Variants in FBXO3 observed in about 807,000 individuals in gnomAD.
The protein encoded by FBXO3 is F-box only protein 3.
A neutral mutation model predicts 64.8 loss-of-function variants in FBXO3; 17 were observed. The ratio of observed to expected loss-of-function variants is 0.26; its 90% confidence interval spans 0.18 to 0.39. FBXO3 has a LOEUF of 0.39. Among genes scored for constraint, FBXO3 ranks in the 10% least tolerant of loss-of-function variants. The pLI, the probability that FBXO3 is intolerant of heterozygous loss-of-function variation, is 1.00. For missense variants in FBXO3, 420 were observed against 589.9 expected, an observed-to-expected ratio of 0.71 and a Z score of 2.98; for synonymous variants, 182 against 201.6, an observed-to-expected ratio of 0.90 and a Z score of 0.82.
At chr11:33,749,552 C>G (rs1368904670) in intron 8 of FBXO3, among the ~76,000 whole-genome samples, 1 of 152,010 alleles carries the variant, frequency 6.6e-6, no homozygotes, top group African/African-American at 2.4e-5. Context: ...TTTTGTAGGA[C>G]AAGGTCTCAC....
At chr11:33,756,706 A>G (rs1281062228) in intron 4 of FBXO3, among the ~76,000 whole-genome samples, 3 of 152,156 alleles carry the variant, frequency 2.0e-5, no homozygotes, top group Non-Finnish European at 4.4e-5. Context: ...ATCTAGTCCT[A>G]ACTGACTTCT....
rs1380087782 is a variant in FBXO3 at position 33,743,549 on chromosome 11, A to T, written c.1240-1465T>A. Reference sequence around the variant, plus strand: ...CCAGAGTCCTTCCACCAAGGCTTTTATGGTGTTACGTGATCCACCACCCCA... The same window carrying T: ...CCAGAGTCCTTCCACCAAGGCTTTTTTGGTGTTACGTGATCCACCACCCCA... On this transcript the variant is annotated intron_variant, in intron 10 of 10. Coordinates refer to ENST00000265651, the MANE Select transcript of FBXO3 (RefSeq NM_012175.4). This position sits in a 1 kb window ranked among gnomAD's most constrained non-coding sequence, Gnocchi z 4.6. The T allele has an allele frequency of 6.6e-6, 1 of 152,286 alleles. No homozygotes were observed. The highest frequency in any genetic ancestry group is 1.5e-5 in the Non-Finnish European group (1 of 68,104). 9.4% of individuals were successfully genotyped at this position (152,286 alleles called of 1,614,324 possible).
At chr11:33,745,199 A>C (rs1289751644) in intron 10 of FBXO3, 1 of 152,134 alleles carries the variant, frequency 6.6e-6, no homozygotes, top group Non-Finnish European at 1.5e-5. Flanking sequence ...TTCAAAATAC[A>C]TGAAGCAAAC....
chr11:33,761,452 T>G (rs1312517416), intron 3 of FBXO3, among the ~76,000 whole-genome samples: 1 of 152,162 alleles, frequency 6.6e-6, no homozygotes, highest in East Asian at 1.9e-4. Flanking sequence ...ATGGAGGACT[T>G]TTCGTAATAA....
At chr11:33,772,993 A>G (rs1322164948) in intron 1 of FBXO3, 1 of 109,450 alleles carries the variant, frequency 9.1e-6, no homozygotes, top group African/African-American at 4.9e-5. Context: ...GAGCCACAGG[A>G]AAAAAAAAAA....
intron 1 of FBXO3, chr11:33,774,042 C>T (rs1855576648): frequency 1.1e-5 from 3 of 285,452 alleles, no homozygotes; most frequent in Non-Finnish European, 1.4e-5. Flanking sequence ...CAGGGACTGA[C>T]CCCAACCGGG....
intron 8 of FBXO3, among the ~76,000 whole-genome samples, chr11:33,750,179 T>C (rs1164166307): frequency 3.9e-5 from 6 of 152,138 alleles, no homozygotes; most frequent in African/African-American, 1.4e-4. Flanking sequence ...TTTAATTGAA[T>C]ATAAATAGGC....
chr11:33,764,022 A>G (rs540671664), intron 3 of FBXO3, among the ~76,000 whole-genome samples: 104 of 152,358 alleles, frequency 6.8e-4, no homozygotes, highest in Non-Finnish European at 1.2e-3. Context: ...AGCAAACTCA[A>G]TGCCAGATAT....
At chr11:33,757,680 A>AAAAAAAAAAAAAAAT (rs1855140901) in intron 4 of FBXO3, among the ~76,000 whole-genome samples, 1 of 143,030 alleles carries the variant, frequency 7.0e-6, no homozygotes, top group Non-Finnish European at 1.5e-5. Flanking sequence ...AAAAAAAAAA[A>AAAAAAAAAAAAAAAT]AGTCTGGGTG....
intron 8 of FBXO3, 64 bp downstream of exon 8, chr11:33,750,475 A>G (rs1278708418): frequency 6.4e-7 from 1 of 1,561,348 alleles, no homozygotes; most frequent in Non-Finnish European, 8.8e-7. Flanking sequence ...ATGGGACAAT[A>G]GCAACATGTC....
intron 1 of FBXO3, chr11:33,773,632 A>T (rs935348158): frequency 2.0e-5 from 3 of 152,138 alleles, no homozygotes; most frequent in African/African-American, 7.2e-5. Context: ...TTCTTCCACC[A>T]CCCCAGACAG....
intron 1 of FBXO3, chr11:33,772,519 G>A (rs1855534256): frequency 6.6e-6 from 1 of 152,216 alleles, no homozygotes; most frequent in Non-Finnish European, 1.5e-5. Flanking sequence ...TCTTCCACCA[G>A]GCCATGCTGT....
Position 33,747,164 on chromosome 11 carries a change from G to A in FBXO3, c.1205C>T (p.Ala402Val). 1 of 1,609,534 alleles carries A rather than the reference G, an allele frequency of 6.2e-7. No individual in the cohort carries two copies. The highest frequency in any genetic ancestry group is 8.5e-7 in the Non-Finnish European group (1 of 1,178,968). The part of the protein sequence containing the change: ...FNVAIPRFHM[A>V]CPTFRVSIAR... ...TATAGACACCCTGAATGTTGGACATGCCATATGGAATCGGGGAATGGCAAC... is the reference window on the plus strand; with the variant it reads ...TATAGACACCCTGAATGTTGGACATACCATATGGAATCGGGGAATGGCAAC... Residue 402 changes from alanine (A) to valine (V), a missense_variant, in exon 10 of 11, where the codon GCA becomes GTA. Around this residue, in one of 3 missense-constraint regions of FBXO3, gnomAD observed 337 missense variants for 518.4 expected, o/e 0.65. Transcript: ENST00000265651.
intron 6 of FBXO3, chr11:33,753,081 A>T (rs1215029901): frequency 6.6e-6 from 1 of 152,170 alleles, no homozygotes; most frequent in Non-Finnish European, 1.5e-5. Context: ...TTGAATCAAG[A>T]TGCAATTTAT....
In FBXO3 at chr11:33,743,119, C is replaced by A. The variant is rs1441109739; in HGVS notation, c.1240-1035G>T. On this transcript the variant is annotated intron_variant, in intron 10 of 10. Transcript: ENST00000265651. The surrounding 1 kb of genome is among the most constrained non-coding windows in gnomAD (Gnocchi z 4.6). ...CTTCTTACATGGTGGCTCAGGGTGT[C>A]AAAGACACATGTCCCAGGAGAGAAA... 4 of 152,190 alleles carry A rather than the reference C, an allele frequency of 2.6e-5. No homozygotes were observed. The highest frequency in any genetic ancestry group is 2.4e-5 in the African/African-American group (1 of 41,428). The allele number at this position is 152,190 out of a possible 1,614,324, so 9.4% of individuals were successfully genotyped here. A position where few individuals can be genotyped will look rare whatever the true frequency, so the allele number is the denominator to read the frequency against.
chr11:33,757,335 C>T (rs1178393868), intron 4 of FBXO3, among the ~76,000 whole-genome samples: 3 of 151,552 alleles, frequency 2.0e-5, no homozygotes, highest in African/African-American at 7.3e-5. Flanking sequence ...TCTACTTTTA[C>T]CCAAAAGTTC....
rs966676823 is a variant in FBXO3 at position 33,741,690 on chromosome 11, G to GA, written c.*217dup. 27 of 379,942 alleles carry GA rather than the reference G, an allele frequency of 7.1e-5. No individual in the cohort carries two copies. The highest frequency in any genetic ancestry group is 1.1e-4 in the South Asian group (1 of 9,304). The allele number at this position is 379,942 out of a possible 1,614,324, so 23.5% of individuals were successfully genotyped here. A position where few individuals can be genotyped will look rare whatever the true frequency, so the allele number is the denominator to read the frequency against. The stretch of plus-strand genomic sequence containing the variant: ...TATTCTTCCACTGACTCCTGGAAGA[G>GA]AAAAAAAAGATTCCCATTTCTTCCT... On this transcript the variant is annotated 3_prime_UTR_variant, in exon 11 of 11. Coordinates refer to ENST00000265651, the MANE Select transcript of FBXO3 (RefSeq NM_012175.4).
Position 33,770,828 on chromosome 11 carries a change from C to A in FBXO3, c.107G>T (p.Cys36Phe). The change falls in exon 2 of 11, where the codon TGT becomes TTT. Residue 36 changes from cysteine (C) to phenylalanine (F), a missense_variant and splice_region_variant. Physicochemically the swap from Cys to Phe is radical, Grantham distance 205. Transcript: ENST00000265651. ...GCTAAGTCTTCGACTGACATAACAA[C>A]AGCTGGCAGTAACCAGATTCACCGA... ...SFLDYRDLIN[C>F]CYVSRRLSQL... The A allele has an allele frequency of 6.3e-7, 1 of 1,596,524 alleles. No individual in the cohort carries two copies. The highest frequency in any genetic ancestry group is 8.6e-7 in the Non-Finnish European group (1 of 1,167,870).
chr11:33,758,413 A>C (rs1855160968), intron 4 of FBXO3, 74 bp downstream of exon 4: 1 of 1,133,022 alleles, frequency 8.8e-7, no homozygotes, highest in Non-Finnish European at 1.3e-6. Context: ...GGTAACTACA[A>C]ATACAATTTA....
Sources: allele counts gnomAD v4.1 joint callset (sites outside exome capture counted in the v4.1 genomes callset), GRCh38; gene constraint gnomAD v4.1.1; regional missense constraint gnomAD v4.1.1; non-coding constraint Gnocchi (gnomAD v3.1); transcripts MANE v1.5; gene names NCBI Gene and HGNC (gene_info 2026-07-23, HGNC 2026-07-21).